Variants in UBE2E3 observed in about 807,000 individuals in gnomAD.
The protein encoded by UBE2E3 is ubiquitin conjugating enzyme E2 E3.
A neutral mutation model predicts 23.6 loss-of-function variants in UBE2E3; 5 were observed. The observed-to-expected ratio is 0.21, with a 90% CI of 0.11 to 0.44. The LOEUF (loss-of-function observed/expected upper bound fraction) is 0.44, where lower values mean the gene tolerates loss of function less well. UBE2E3 is among the 20% of genes least tolerant of loss of function. The probability of loss-of-function intolerance (pLI) is 0.99; values close to 1 mark genes in which losing one functional copy is unlikely to be tolerated. For missense variants in UBE2E3, 81 were observed against 249.8 expected (o/e 0.32, Z 4.55); for synonymous variants, 78 against 87.5 (o/e 0.89, Z 0.60).
intron 3 of UBE2E3, among the ~76,000 whole-genome samples, chr2:181,023,422 T>C (rs1321659465): frequency 6.6e-6 from 1 of 152,198 alleles, no homozygotes; most frequent in East Asian, 1.9e-4. Context: ...AAAAACTCCA[T>C]TATCAATGAT....
intron 3 of UBE2E3, among the ~76,000 whole-genome samples, chr2:181,028,708 T>A (rs976514121): frequency 8.5e-5 from 13 of 152,114 alleles, no homozygotes; most frequent in Non-Finnish European, 1.6e-4. Context: ...TGCCTTTTTT[T>A]TGTTATTTGT....
At chr2:181,016,741 A>T (rs1296254099) in intron 3 of UBE2E3, among the ~76,000 whole-genome samples, 1 of 152,196 alleles carries the variant, frequency 6.6e-6, no homozygotes, top group Non-Finnish European at 1.5e-5. Context: ...TTTTCTTTAA[A>T]TGTGTATTCA....
intron 3 of UBE2E3, among the ~76,000 whole-genome samples, chr2:180,993,247 C>CT (rs1375477908): frequency 1.3e-5 from 2 of 152,196 alleles, no homozygotes; most frequent in Non-Finnish European, 2.9e-5. Flanking sequence ...CCAGTTCCTT[C>CT]TTTTTGGTCC....
Position 181,006,239 on chromosome 2 carries a change from T to G in UBE2E3, c.245+22146T>G, listed in dbSNP as rs189037758. 1.2e-3 allele frequency among the ~76,000 whole-genome samples: 178 copies of G among 152,122 alleles called. 1 individual carries two copies. Among genetic ancestry groups the G allele is most frequent in the Non-Finnish European group, 1.7e-3 (118 of 67,998 alleles). ...TGAGCACAAATAGTACAGAAAAAATTCCCCAGTCAAGATTCCCTTGAGCTG... is the reference window on the plus strand; with the variant it reads ...TGAGCACAAATAGTACAGAAAAAATGCCCCAGTCAAGATTCCCTTGAGCTG... On this transcript the variant is annotated intron_variant, in intron 3 of 5. Transcript: ENST00000410062.
chr2:181,027,646 G>A (rs1685939014), intron 3 of UBE2E3, among the ~76,000 whole-genome samples: 1 of 151,864 alleles, frequency 6.6e-6, no homozygotes, highest in Admixed American at 6.6e-5. Context: ...AGAAGCAAGA[G>A]TGCTGCAGCA....
At chr2:181,018,600 T>G (rs994856787) in intron 3 of UBE2E3, among the ~76,000 whole-genome samples, 22 of 80,452 alleles carry the variant, frequency 2.7e-4, no homozygotes, top group African/African-American at 5.7e-4. Context: ...ATTTCTGTGT[T>G]TTTTTTTTTT....
rs1686241119 is a variant in UBE2E3 at position 181,035,502 on chromosome 2, T to G, written c.246-22191T>G. ...ATGTATTATATATTACTCTTAGTAA[T>G]ATTATATATGTATACTTTAATAAAC... On this transcript the variant is annotated intron_variant, in intron 3 of 5. Coordinates refer to ENST00000410062, the MANE Select transcript of UBE2E3 (RefSeq NM_006357.4). 2.0e-5 allele frequency among the ~76,000 whole-genome samples: 3 copies of G among 152,254 alleles called. No individual in the cohort carries two copies. The South Asian group carries it at 6.2e-4, about 32-fold the overall frequency.
intron 3 of UBE2E3, among the ~76,000 whole-genome samples, chr2:181,001,377 C>A (rs2105592287): frequency 6.6e-6 from 1 of 152,184 alleles, no homozygotes; most frequent in Admixed American, 6.5e-5. Context: ...TCTTAAATGG[C>A]TGGGGAAAAG....
At chr2:180,990,549 C>T (rs765908336) in intron 3 of UBE2E3, among the ~76,000 whole-genome samples, 9 of 152,260 alleles carry the variant, frequency 5.9e-5, no homozygotes, top group Non-Finnish European at 8.8e-5. Flanking sequence ...ATTTGTCATA[C>T]GTGTGTGTTA....
At chr2:181,056,521 T>C (rs1333899004) in intron 3 of UBE2E3, among the ~76,000 whole-genome samples, 1 of 151,748 alleles carries the variant, frequency 6.6e-6, no homozygotes, top group African/African-American at 2.4e-5. Context: ...AAAGCCACTC[T>C]TTTTAACAAT....
intron 3 of UBE2E3, among the ~76,000 whole-genome samples, chr2:181,043,483 G>C (rs1686575775): frequency 1.3e-5 from 2 of 152,188 alleles, no homozygotes; most frequent in East Asian, 3.9e-4. Flanking sequence ...AATGAGTTTT[G>C]TGTTTAGACT....
At chr2:180,981,993 C>T (rs1684309688) in intron 1 of UBE2E3, 25 bp from the exon 2 acceptor site, 3 of 1,500,762 alleles carry the variant, frequency 2.0e-6, no homozygotes, top group East Asian at 2.3e-5. Context: ...ATTTTCTCCT[C>T]CTCCTCCCCT....
chr2:181,051,913 G>A (rs1396739380), intron 3 of UBE2E3, among the ~76,000 whole-genome samples: 1 of 151,754 alleles, frequency 6.6e-6, no homozygotes, highest in East Asian at 1.9e-4. Flanking sequence ...CTAAAATTTT[G>A]TATCTGTTTT....
chr2:180,986,605 A>G (rs55862542), intron 3 of UBE2E3, among the ~76,000 whole-genome samples: 35,238 of 152,078 alleles, frequency 0.23, 4,453 homozygotes, highest in Non-Finnish European at 0.28. Flanking sequence ...AATTTATGCT[A>G]TAATTAAAAA....
At chr2:181,005,014 T>A (rs2105598175) in intron 3 of UBE2E3, among the ~76,000 whole-genome samples, 1 of 152,354 alleles carries the variant, frequency 6.6e-6, no homozygotes. Context: ...TGTGTGTAAG[T>A]TACTTTTAAA....
At chr2:181,061,103 C>T (rs981812755) in intron 5 of UBE2E3, among the ~76,000 whole-genome samples, 1 of 56,382 alleles carries the variant, frequency 1.8e-5, no homozygotes, top group Non-Finnish European at 3.2e-5. Context: ...GGTGCACAGA[C>T]CACTTCTTTT....
At chr2:181,033,649 G>C (rs1686162364) in intron 3 of UBE2E3, among the ~76,000 whole-genome samples, 1 of 152,144 alleles carries the variant, frequency 6.6e-6, no homozygotes, top group Non-Finnish European at 1.5e-5. Context: ...AACACCAAAA[G>C]CAATGGCAAC....
chr2:181,061,696 A>G (rs1196794684), intron 5 of UBE2E3, among the ~76,000 whole-genome samples: 1 of 151,560 alleles, frequency 6.6e-6, no homozygotes, highest in East Asian at 1.9e-4. Context: ...CCACATGTGA[A>G]CTTCAGAAAC....
intron 3 of UBE2E3, among the ~76,000 whole-genome samples, chr2:181,011,013 A>T (rs1685310132): frequency 6.6e-6 from 1 of 152,084 alleles, no homozygotes; most frequent in African/African-American, 2.4e-5. Context: ...GCTTTCACAG[A>T]CTTATCTAAT....
Sources: allele counts gnomAD v4.1 joint callset (sites outside exome capture counted in the v4.1 genomes callset), GRCh38; gene constraint gnomAD v4.1.1; transcripts MANE v1.5; gene names NCBI Gene and HGNC (gene_info 2026-07-23, HGNC 2026-07-21).